ST3GAL1: variants seen among roughly 807,000 people sequenced by gnomAD.
ST3GAL1 encodes ST3 beta-galactoside alpha-2,3-sialyltransferase 1.
A neutral mutation model predicts 34.1 loss-of-function variants in ST3GAL1; 16 were observed. That is an observed-to-expected ratio of 0.47 (90% confidence interval 0.32 to 0.71). The LOEUF (loss-of-function observed/expected upper bound fraction) is 0.71, where lower values mean the gene tolerates loss of function less well. Ranked by LOEUF, ST3GAL1 falls within the 30% of genes least tolerant of loss-of-function variation. ST3GAL1 has a pLI of 0.04. For missense variants in ST3GAL1, 353 were observed against 447.4 expected, an observed-to-expected ratio of 0.79 and a Z score of 1.90; for synonymous variants, 191 against 184.7, an observed-to-expected ratio of 1.03 and a Z score of -0.28.
chr8:133,475,450 A>C (rs1311201751), intron 5 of ST3GAL1, among the ~76,000 whole-genome samples: 2 of 152,234 alleles, frequency 1.3e-5, no homozygotes, highest in African/African-American at 2.4e-5. Context: ...TCCTGCTCTG[A>C]CTTAGATATA....
chr8:133,555,036 T>G (rs745589410), intron 1 of ST3GAL1, among the ~76,000 whole-genome samples: 4 of 152,000 alleles, frequency 2.6e-5, no homozygotes, highest in Non-Finnish European at 5.9e-5. Flanking sequence ...CTACTTGGGT[T>G]TTTCTACTTC....
intron 3 of ST3GAL1, among the ~76,000 whole-genome samples, chr8:133,479,991 G>A (rs1471242818): frequency 1.3e-5 from 2 of 152,144 alleles, no homozygotes; most frequent in Admixed American, 6.6e-5. Flanking sequence ...CCTGGCTCCC[G>A]GAAATGACAT....
intron 7 of ST3GAL1, 132 bp from the exon 8 acceptor site, chr8:133,463,591 G>T: frequency 1.0e-6 from 1 of 955,356 alleles, no homozygotes; most frequent in South Asian, 1.5e-5. Flanking sequence ...GCTTCCCTCA[G>T]GGACCCCCAC....
At chr8:133,516,810 A>G (rs146216839) in intron 2 of ST3GAL1, among the ~76,000 whole-genome samples, 167 of 152,348 alleles carry the variant, frequency 1.1e-3, no homozygotes, top group Middle Eastern at 3.4e-3. Context: ...ATCACAAAGA[A>G]GAATCAACAT....
intron 2 of ST3GAL1, among the ~76,000 whole-genome samples, chr8:133,537,867 A>T (rs992602715): frequency 2.0e-5 from 3 of 152,170 alleles, no homozygotes; most frequent in Non-Finnish European, 4.4e-5. Flanking sequence ...GCCGGCTGCC[A>T]TGGTTTCAGC....
intron 2 of ST3GAL1, among the ~76,000 whole-genome samples, chr8:133,532,268 T>C (rs897520554): frequency 6.6e-6 from 1 of 152,120 alleles, no homozygotes; most frequent in Non-Finnish European, 1.5e-5. Context: ...GGTCAGGAGT[T>C]CGAGACCAGC....
At chr8:133,487,966 GA>G (rs5895194) in intron 3 of ST3GAL1, 7 of 142,226 alleles carry the variant, frequency 4.9e-5, no homozygotes, top group Non-Finnish European at 9.1e-5. Context: ...AGACTCTGTC[GA>G]AAAAAAAAAA....
At chr8:133,473,628 G>C (rs1358288768) in intron 5 of ST3GAL1, among the ~76,000 whole-genome samples, 1 of 152,232 alleles carries the variant, frequency 6.6e-6, no homozygotes, top group South Asian at 2.1e-4. Context: ...TGCCATCAAT[G>C]TGTCATTTTC....
At chr8:133,479,461 T>A (rs1170953726) in intron 3 of ST3GAL1, among the ~76,000 whole-genome samples, 2 of 152,152 alleles carry the variant, frequency 1.3e-5, no homozygotes, top group Admixed American at 1.3e-4. Flanking sequence ...AGCAGAGGAA[T>A]GCCATGGTCT....
chr8:133,517,944 C>T (rs762543836), intron 2 of ST3GAL1, among the ~76,000 whole-genome samples: 17 of 152,244 alleles, frequency 1.1e-4, no homozygotes, highest in South Asian at 2.1e-4. Flanking sequence ...GACGATCTCA[C>T]AGAGCTGAGT....
Position 133,461,819 on chromosome 8 carries a change from G to A in ST3GAL1, c.849+56C>T. On this transcript the variant is annotated intron_variant, in intron 9 of 9. Coordinates refer to ENST00000522652, the MANE Select transcript of ST3GAL1 (RefSeq NM_173344.3). The surrounding 1 kb of genome is among the most constrained non-coding windows in gnomAD (Gnocchi z 4.7). ...CCTCCCCCTCCCTGGCCTCTCTTGG[G>A]AACACAGGACGGTGAGCTTCGAGGC... 1.2e-6 allele frequency: 2 copies of A among 1,607,894 alleles called. No individual in the cohort carries two copies. The highest frequency in any genetic ancestry group is 2.2e-5 in the South Asian group (2 of 90,454).
Position 133,571,241 on chromosome 8 carries a change from C to T in ST3GAL1, c.-582+452G>A, listed in dbSNP as rs1403179014. Among the ~76,000 whole-genome samples, 1 of 152,198 alleles carries T rather than the reference C, an allele frequency of 6.6e-6. No homozygotes were observed. Among genetic ancestry groups the T allele is most frequent in the Non-Finnish European group, 1.5e-5 (1 of 68,036 alleles). ...AAATCCGCTCGAGAGCGCCTGAGCCCGGCCACCCAGCGAGGTCTCCTCCCA... is the reference window on the plus strand; with the variant it reads ...AAATCCGCTCGAGAGCGCCTGAGCCTGGCCACCCAGCGAGGTCTCCTCCCA... On this transcript the variant is annotated intron_variant, in intron 1 of 9. Coordinates refer to ENST00000522652, the MANE Select transcript of ST3GAL1 (RefSeq NM_173344.3). This position sits in a 1 kb window ranked among gnomAD's most constrained non-coding sequence, Gnocchi z 6.7.
rs1413377265 is a variant in ST3GAL1 at position 133,541,110 on chromosome 8, TATATATATATAGAGAGAG to T, written c.-429+4646_-429+4663del. ...ATATATATAAACATATATATATATA[TATATATATATAGAGAGAG>T]AGAGAGAGAGAGAGAGAGAGAGAGA... On this transcript the variant is annotated intron_variant, in intron 2 of 9. Coordinates refer to ENST00000522652, the MANE Select transcript of ST3GAL1 (RefSeq NM_173344.3). Among the ~76,000 whole-genome samples the T allele has an allele frequency of 4.8e-5, 2 of 42,044 alleles. 1 individual carries two copies. Among genetic ancestry groups the T allele is most frequent in the African/African-American group, 2.5e-4 (2 of 7,970 alleles). 27.6% of individuals were successfully genotyped at this position (42,044 alleles called of 152,430 possible). A position where few individuals can be genotyped will look rare whatever the true frequency, so the allele number is the denominator to read the frequency against.
intron 3 of ST3GAL1, among the ~76,000 whole-genome samples, chr8:133,491,541 G>A (rs1303130751): frequency 2.8e-5 from 4 of 142,476 alleles, no homozygotes; most frequent in Non-Finnish European, 6.5e-5. Flanking sequence ...AGTCTGACAC[G>A]TGGCTTAAAG....
intron 5 of ST3GAL1, among the ~76,000 whole-genome samples, chr8:133,471,722 G>A (rs1815968812): frequency 6.6e-6 from 1 of 152,088 alleles, no homozygotes; most frequent in East Asian, 1.9e-4. Flanking sequence ...CCTCCTGGTG[G>A]TGGGGGTGGT....
intron 2 of ST3GAL1, among the ~76,000 whole-genome samples, chr8:133,519,463 G>A (rs1817736514): frequency 6.6e-6 from 1 of 152,164 alleles, no homozygotes; most frequent in African/African-American, 2.4e-5. Flanking sequence ...ATTCCAGAAT[G>A]TTCTTATGTA....
intron 1 of ST3GAL1, chr8:133,567,139 C>A (rs1372864086): frequency 1.3e-5 from 2 of 152,224 alleles, no homozygotes; most frequent in Admixed American, 1.3e-4. Context: ...GTGGGTCTCT[C>A]AAGGTGGAGG....
In ST3GAL1 at chr8:133,461,887, A is replaced by G; in HGVS notation, c.837T>C (p.His279=). The change falls in exon 9 of 10, where the codon CAT becomes CAC. Residue 279 remains histidine (H), a synonymous_variant. Transcript: ENST00000522652. The surrounding 1 kb of genome is among the most constrained non-coding windows in gnomAD (Gnocchi z 4.7). The part of the protein sequence containing the change: ...TGILSVIFSM[H]VCDEVDLYGF... ...GAGGGTGGCATACCTCATCGCAGAC[A>G]TGCATTGAGAAGATGACCGAGAGGA... The G allele has an allele frequency of 6.2e-7, 1 of 1,614,144 alleles. No homozygotes were observed. Among genetic ancestry groups the G allele is most frequent in the Non-Finnish European group, 8.5e-7 (1 of 1,179,994 alleles).
chr8:133,566,330 A>G (rs1228473637), intron 1 of ST3GAL1, among the ~76,000 whole-genome samples: 3 of 152,118 alleles, frequency 2.0e-5, no homozygotes, highest in Non-Finnish European at 4.4e-5. Context: ...CTCCTACTTC[A>G]AGTGCTTTTC....
Sources: gnomAD v4.1 joint callset for allele counts (sites outside exome capture counted in the v4.1 genomes callset) on GRCh38, gnomAD v4.1.1 for gene constraint, Gnocchi (gnomAD v3.1) non-coding constraint, MANE v1.5 for transcripts, NCBI Gene and HGNC (gene_info 2026-07-23, HGNC 2026-07-21) for gene names.